The following CNTNAP5 variants were observed in gnomAD, a reference collection of about 807,000 sequenced individuals.
CNTNAP5 encodes contactin associated protein family member 5.
A neutral mutation model predicts 150.2 loss-of-function variants in CNTNAP5; 72 were observed. That is an observed-to-expected ratio of 0.48 (90% CI 0.40 to 0.58). The LOEUF is 0.58. Ranked by LOEUF, CNTNAP5 falls within the 20% of genes least tolerant of loss-of-function variation. The probability of loss-of-function intolerance (pLI) is 0.00; values close to 1 mark genes in which losing one functional copy is unlikely to be tolerated. For missense variants in CNTNAP5, 1,636 were observed against 1,626.2 expected, an observed-to-expected ratio of 1.01 and a Z score of -0.10; for synonymous variants, 672 against 619.8, an observed-to-expected ratio of 1.08 and a Z score of -1.25.
chr2:124,156,962 C>A (rs895014955), intron 1 of CNTNAP5, among the ~76,000 whole-genome samples: 2 of 152,082 alleles, frequency 1.3e-5, no homozygotes, highest in Admixed American at 6.6e-5. Context: ...TTATTAAGAC[C>A]AAATCACCTG....
At chr2:124,107,188 G>A (rs1683188075) in intron 1 of CNTNAP5, among the ~76,000 whole-genome samples, 1 of 152,112 alleles carries the variant, frequency 6.6e-6, no homozygotes, top group African/African-American at 2.4e-5. Context: ...GATGGGCTTG[G>A]GACCACTATG....
At chr2:124,356,699 C>A (rs1008090140) in intron 3 of CNTNAP5, among the ~76,000 whole-genome samples, 1 of 151,928 alleles carries the variant, frequency 6.6e-6, no homozygotes, top group Non-Finnish European at 1.5e-5. Context: ...CTTAATCCAG[C>A]CTATCATTGT....
intron 11 of CNTNAP5, among the ~76,000 whole-genome samples, chr2:124,581,699 C>T (rs1166897546): frequency 6.6e-6 from 1 of 152,138 alleles, no homozygotes; most frequent in Non-Finnish European, 1.5e-5. Flanking sequence ...ACCCAAAGAC[C>T]TAGCCAGCAC....
intron 1 of CNTNAP5, among the ~76,000 whole-genome samples, chr2:124,166,683 G>A (rs141457606): frequency 2.4e-3 from 364 of 152,236 alleles, no homozygotes; most frequent in African/African-American, 8.2e-3. Flanking sequence ...ACTATTTCCA[G>A]TTCCTTAGGT....
At position 124,920,291 on chromosome 2, in the gene CNTNAP5, T is replaced by C. The variant is rs568881262; in HGVS notation, c.*6003T>C. The stretch of plus-strand genomic sequence containing the variant: ...AGTGCTGGATATGAAACAGGAATAA[T>C]GCATTCCTCTACAGACTCTTTGAAA... On this transcript the variant is annotated 3_prime_UTR_variant, in exon 24 of 24. Coordinates refer to ENST00000682447, the MANE Select transcript of CNTNAP5 (RefSeq NM_001367498.1). Among the ~76,000 whole-genome samples, 7 of 152,242 alleles carry C rather than the reference T, an allele frequency of 4.6e-5. No homozygotes were observed. The highest frequency in any genetic ancestry group is 1.3e-4 in the Admixed American group (2 of 15,284).
intron 11 of CNTNAP5, among the ~76,000 whole-genome samples, chr2:124,590,003 G>A (rs1696644398): frequency 6.6e-6 from 1 of 152,044 alleles, no homozygotes; most frequent in Non-Finnish European, 1.5e-5. Flanking sequence ...GGTTAATGCT[G>A]TTATTATGGG....
chr2:124,161,573 T>C (rs1182258807), intron 1 of CNTNAP5, among the ~76,000 whole-genome samples: 1 of 152,182 alleles, frequency 6.6e-6, no homozygotes, highest in African/African-American at 2.4e-5. Flanking sequence ...GTATTAAGTA[T>C]GTGTTTGTCA....
At chr2:124,678,154 G>T in intron 13 of CNTNAP5, among the ~76,000 whole-genome samples, 1 of 151,646 alleles carries the variant, frequency 6.6e-6, no homozygotes, top group East Asian at 1.9e-4. Flanking sequence ...ACATGCCTGG[G>T]GTCCAGTGAT....
chr2:124,541,066 T>C lies in CNTNAP5; in HGVS notation c.1649+13610T>C, dbSNP rs114307162. ...GTTTCTTAGAGCTTTGTCCTCTCCA[T>C]GGCTTTCTAAGAACCTCTGGCTGAT... On this transcript the variant is annotated intron_variant, in intron 10 of 23. Coordinates refer to ENST00000682447, the MANE Select transcript of CNTNAP5 (RefSeq NM_001367498.1). 1.8e-3 allele frequency among the ~76,000 whole-genome samples: 271 copies of C among 152,208 alleles called. 3 individuals carry two copies. Among genetic ancestry groups the C allele is most frequent in the African/African-American group, 6.4e-3 (264 of 41,520 alleles).
chr2:124,755,008 T>C (rs1680809805), intron 14 of CNTNAP5, among the ~76,000 whole-genome samples: 1 of 152,144 alleles, frequency 6.6e-6, no homozygotes, highest in Admixed American at 6.5e-5. Flanking sequence ...ATCGCATCAT[T>C]ACTTTGTAGA....
chr2:124,140,403 A>G (rs1684091061), intron 1 of CNTNAP5, among the ~76,000 whole-genome samples: 1 of 147,194 alleles, frequency 6.8e-6, no homozygotes, highest in Admixed American at 6.8e-5. Context: ...GACAGCTTTG[A>G]AGAGAGCAGT....
At chr2:124,866,380 AC>A (rs1390960389) in intron 20 of CNTNAP5, among the ~76,000 whole-genome samples, 2 of 152,236 alleles carry the variant, frequency 1.3e-5, no homozygotes, top group African/African-American at 4.8e-5. Context: ...AGGTTTGCCA[AC>A]CGCTGGGCTG....
intron 10 of CNTNAP5, among the ~76,000 whole-genome samples, chr2:124,534,504 G>T (rs1004967767): frequency 1.3e-5 from 2 of 152,102 alleles, no homozygotes; most frequent in Non-Finnish European, 2.9e-5. Flanking sequence ...ACCATATAAG[G>T]TAACTTCCAG....
intron 3 of CNTNAP5, among the ~76,000 whole-genome samples, chr2:124,270,133 T>G (rs1159051717): frequency 6.6e-6 from 1 of 151,944 alleles, no homozygotes; most frequent in African/African-American, 2.4e-5. Flanking sequence ...CTGGCCAACA[T>G]GGTGAAACCC....
At chr2:124,121,855 G>A (rs1028044052) in intron 1 of CNTNAP5, among the ~76,000 whole-genome samples, 4 of 152,086 alleles carry the variant, frequency 2.6e-5, no homozygotes, top group Non-Finnish European at 4.4e-5. Flanking sequence ...AGCACTTAAC[G>A]CTAATTAAAT....
At position 124,524,185 on chromosome 2, in the gene CNTNAP5, T is replaced by C. The variant is rs1380276807; in HGVS notation, c.1328-118T>C. 10 of 892,396 alleles carry C rather than the reference T, an allele frequency of 1.1e-5. No individual in the cohort carries two copies. In the East Asian group the frequency reaches 2.5e-4, roughly 22 times the overall value. The allele number at this position is 892,396 out of a possible 1,614,324, so 55.3% of individuals were successfully genotyped here. A position where few individuals can be genotyped will look rare whatever the true frequency, so the allele number is the denominator to read the frequency against. On this transcript the variant is annotated intron_variant, in intron 8 of 23. Coordinates refer to ENST00000682447, the MANE Select transcript of CNTNAP5 (RefSeq NM_001367498.1). ...TTCCAAGGGCTTGTATCCAGCCGAG[T>C]GAGGAGTGGGTTTGCTCTGAGAATG...
At chr2:124,102,731 G>A (rs1683091641) in intron 1 of CNTNAP5, among the ~76,000 whole-genome samples, 1 of 152,240 alleles carries the variant, frequency 6.6e-6, no homozygotes, top group African/African-American at 2.4e-5. Flanking sequence ...GTTCCTGTGG[G>A]GGCATCTGGC....
At chr2:124,236,609 T>G (rs552394094) in intron 2 of CNTNAP5, among the ~76,000 whole-genome samples, 1 of 152,322 alleles carries the variant, frequency 6.6e-6, no homozygotes, top group Non-Finnish European at 1.5e-5. Flanking sequence ...CAGGTAGCTG[T>G]GTCCCTAAAA....
chr2:124,400,685 T>TTTTTTTTTTTTTTTTTTTTTTG (rs1558884204), intron 3 of CNTNAP5, among the ~76,000 whole-genome samples: 1 of 140,916 alleles, frequency 7.1e-6, no homozygotes. Flanking sequence ...TTTTTTTTTT[T>TTTTTTTTTTTTTTTTTTTTTTG]TTTGTTTTTT....
Sources: gnomAD v4.1 joint callset for allele counts (sites outside exome capture counted in the v4.1 genomes callset) on GRCh38, gnomAD v4.1.1 for gene constraint, MANE v1.5 for transcripts, NCBI Gene and HGNC (gene_info 2026-07-23, HGNC 2026-07-21) for gene names.